IMMP2L: variants seen among roughly 807,000 people sequenced by gnomAD.
IMMP2L encodes the protein inner mitochondrial membrane peptidase subunit 2, also known as mitochondrial inner membrane protease subunit 2.
Under a neutral mutation model 19.3 loss-of-function variants are expected in IMMP2L, and 18 were observed. That is an observed-to-expected ratio of 0.93 (90% CI 0.64 to 1.38). IMMP2L has a LOEUF of 1.38. Among genes scored for constraint, IMMP2L ranks in the 40% most tolerant of loss-of-function variants. The probability of loss-of-function intolerance (pLI) is 0.00; values close to 1 mark genes in which losing one functional copy is unlikely to be tolerated. For synonymous variants in IMMP2L, 76 were observed against 73.0 expected, an observed-to-expected ratio of 1.04 and a Z score of -0.21; for missense variants, 233 against 218.2, an observed-to-expected ratio of 1.07 and a Z score of -0.43.
At chr7:111,318,426 A>C (rs1824336970) in intron 3 of IMMP2L, among the ~76,000 whole-genome samples, 1 of 152,200 alleles carries the variant, frequency 6.6e-6, no homozygotes, top group Non-Finnish European at 1.5e-5. Context: ...TGTCTAAAGG[A>C]AACAGCAAAA....
At chr7:111,358,367 T>C (rs747161958) in intron 3 of IMMP2L, among the ~76,000 whole-genome samples, 21 of 151,806 alleles carry the variant, frequency 1.4e-4, no homozygotes, top group Non-Finnish European at 2.9e-4. Flanking sequence ...TGCCATCATG[T>C]ATTATATAGA....
chr7:110,954,855 C>G (rs1818205120), intron 4 of IMMP2L, among the ~76,000 whole-genome samples: 1 of 151,982 alleles, frequency 6.6e-6, no homozygotes, highest in Non-Finnish European at 1.5e-5. Flanking sequence ...AAACCACTGA[C>G]AGGGGTGGGG....
intron 5 of IMMP2L, among the ~76,000 whole-genome samples, chr7:110,858,989 T>C (rs894165672): frequency 3.9e-5 from 6 of 152,160 alleles, no homozygotes; most frequent in Non-Finnish European, 7.4e-5. Flanking sequence ...TTTCTGATCA[T>C]GTCTTTCTGA....
At chr7:110,766,129 C>T (rs1292699280) in intron 5 of IMMP2L, among the ~76,000 whole-genome samples, 1 of 151,994 alleles carries the variant, frequency 6.6e-6, no homozygotes, top group Non-Finnish European at 1.5e-5. Flanking sequence ...ATTGAGTTAT[C>T]TACAAATAGA....
At chr7:110,908,448 C>G (rs558070011) in intron 4 of IMMP2L, among the ~76,000 whole-genome samples, 21 of 152,164 alleles carry the variant, frequency 1.4e-4, no homozygotes, top group African/African-American at 5.1e-4. Flanking sequence ...TCATTAGGCT[C>G]CCTGTATTGA....
chr7:111,139,585 T>G (rs1802674334), intron 3 of IMMP2L, among the ~76,000 whole-genome samples: 1 of 152,076 alleles, frequency 6.6e-6, no homozygotes, highest in Admixed American at 6.6e-5. Context: ...TTTGGGAAAA[T>G]TACAGATAGT....
chr7:110,715,139 G>A (rs193141413), intron 5 of IMMP2L, among the ~76,000 whole-genome samples: 10 of 152,158 alleles, frequency 6.6e-5, no homozygotes, highest in African/African-American at 2.4e-4. Context: ...TTCCGATTGT[G>A]CTTATTTGGA....
chr7:111,262,140 A>T (rs1817372758), intron 3 of IMMP2L, among the ~76,000 whole-genome samples: 1 of 152,164 alleles, frequency 6.6e-6, no homozygotes, highest in African/African-American at 2.4e-5. Flanking sequence ...ACTAAGAATA[A>T]AACAGTAAAC....
chr7:111,295,973 TAGAA>T (rs966103048), intron 3 of IMMP2L, among the ~76,000 whole-genome samples: 8 of 117,992 alleles, frequency 6.8e-5, no homozygotes, highest in Non-Finnish European at 1.0e-4. Context: ...AAGGATTTAT[TAGAA>T]AGAATGTTAA....
chr7:110,939,796 A>T (rs1330602237), intron 4 of IMMP2L, among the ~76,000 whole-genome samples: 1 of 152,144 alleles, frequency 6.6e-6, no homozygotes, highest in Non-Finnish European at 1.5e-5. Context: ...GCTGTTAGAA[A>T]AGCTCCCAAG....
intron 3 of IMMP2L, among the ~76,000 whole-genome samples, chr7:111,180,827 T>C (rs895402662): frequency 2.6e-5 from 4 of 152,056 alleles, no homozygotes; most frequent in African/African-American, 7.2e-5. Context: ...ATTTTATAAA[T>C]TGAGAAAAAA....
intron 5 of IMMP2L, among the ~76,000 whole-genome samples, chr7:110,823,578 T>C (rs1803218667): frequency 6.6e-6 from 1 of 152,096 alleles, no homozygotes; most frequent in Non-Finnish European, 1.5e-5. Context: ...AAATTTCAGT[T>C]TGTGGAACTG....
At chr7:111,523,268 G>A (rs1405595333) in intron 1 of IMMP2L, among the ~76,000 whole-genome samples, 1 of 151,920 alleles carries the variant, frequency 6.6e-6, no homozygotes, top group African/African-American at 2.4e-5. Context: ...TAAACAGAGT[G>A]GATGTTATAT....
intron 3 of IMMP2L, among the ~76,000 whole-genome samples, chr7:111,234,230 A>G (rs899536671): frequency 3.9e-5 from 6 of 152,190 alleles, no homozygotes; most frequent in Admixed American, 1.3e-4. Context: ...GAGATTTTCT[A>G]CAAGTCTTTC....
chr7:110,671,803 A>C (rs1791940580), intron 5 of IMMP2L, among the ~76,000 whole-genome samples: 1 of 152,168 alleles, frequency 6.6e-6, no homozygotes, highest in Admixed American at 6.5e-5. Context: ...AATGCAAAAG[A>C]GCCTTGAGTT....
At chr7:110,830,424 C>T (rs926524360) in intron 5 of IMMP2L, among the ~76,000 whole-genome samples, 3 of 151,966 alleles carry the variant, frequency 2.0e-5, no homozygotes, top group Admixed American at 2.0e-4. Flanking sequence ...ACAAAAATGA[C>T]CTGAAATCAA....
At chr7:111,336,705 C>A (rs144251586) in intron 3 of IMMP2L, among the ~76,000 whole-genome samples, 2 of 152,110 alleles carry the variant, frequency 1.3e-5, no homozygotes, top group South Asian at 4.2e-4. Context: ...TGAAAGTTCT[C>A]TCTTCAATTA....
intron 3 of IMMP2L, among the ~76,000 whole-genome samples, chr7:111,053,935 G>A (rs924698631): frequency 4.6e-5 from 7 of 151,898 alleles, no homozygotes; most frequent in Non-Finnish European, 8.8e-5. Context: ...GTTCTTTATG[G>A]TAGTGAGGTA....
At chr7:110,822,849 C>A (rs148285217) in intron 5 of IMMP2L, among the ~76,000 whole-genome samples, 70 of 152,202 alleles carry the variant, frequency 4.6e-4, no homozygotes, top group African/African-American at 1.6e-3. Context: ...ACATGTCTTT[C>A]TGCTCCATTG....
Sources: gnomAD v4.1 joint callset for allele counts (sites outside exome capture counted in the v4.1 genomes callset) on GRCh38, gnomAD v4.1.1 for gene constraint, MANE v1.5 for transcripts, NCBI Gene and HGNC (gene_info 2026-07-23, HGNC 2026-07-21) for gene names.